Variants in C1orf167 observed in about 807,000 individuals in gnomAD.
C1orf167 encodes uncharacterized protein C1orf167.
C1orf167 carries 153 observed loss-of-function variants against 176.5 expected under a neutral mutation model. That is an observed-to-expected ratio of 0.87 (90% CI 0.76 to 0.99). The LOEUF (loss-of-function observed/expected upper bound fraction) is 0.99. C1orf167 is among the 50% of genes least tolerant of loss of function. The pLI is 0.00. For synonymous variants in C1orf167, 594 were observed against 752.7 expected (o/e 0.79, Z 3.45); for missense variants, 1,490 against 1,817.7 (o/e 0.82, Z 3.28).
intron 10 of C1orf167, 63 bp from the exon 11 acceptor site, chr1:11,778,597 C>T: frequency 8.2e-7 from 1 of 1,225,068 alleles, no homozygotes; most frequent in South Asian, 1.4e-5. Context: ...GTAGCCCCTG[C>T]TTGGCCACCC....
intron 10 of C1orf167, 138 bp downstream of exon 10, chr1:11,776,776 C>A: frequency 1.2e-6 from 1 of 850,744 alleles, no homozygotes; most frequent in Non-Finnish European, 1.6e-6. Context: ...TCCCCGTGGC[C>A]CTGCACAGGG....
Position 11,768,102 on chromosome 1 carries a change from C to T in C1orf167, c.1369C>T (p.Arg457Ter), listed in dbSNP as rs751284067. ...ICWQLLSRCF[R>*]SWRHLVKRQR... ...CTGGCAGCTGTTGTCCAGATGTTTT[C>T]GATCCTGGAGGCACTTGGTGAAGAG... Residue 457 changes from arginine to a stop codon, truncating the protein, a stop_gained, in exon 5 of 21, where the codon CGA (arginine) becomes TGA (stop). Coordinates refer to ENST00000688073, the MANE Select transcript of C1orf167 (RefSeq NM_001010881.2). LOFTEE classifies it high-confidence loss of function. This position sits in a 1 kb window ranked among gnomAD's most constrained non-coding sequence, Gnocchi z 4.5. The T allele has an allele frequency of 1.2e-4, 156 of 1,288,766 alleles. 1 individual carries two copies. In the South Asian group the frequency reaches 1.3e-3, roughly 11 times the overall value. 79.8% of individuals were successfully genotyped at this position (1,288,766 alleles called of 1,614,324 possible).
chr1:11,779,646 T>G (rs1643497645), intron 12 of C1orf167, 156 bp from the exon 13 acceptor site: 1 of 481,132 alleles, frequency 2.1e-6, no homozygotes, highest in Non-Finnish European at 3.4e-6. Context: ...GCTTGGCCCC[T>G]CCAGTCCCCA....
intron 20 of C1orf167, 153 bp downstream of exon 20, chr1:11,788,899 AAC>A (rs1643990770): frequency 3.9e-6 from 2 of 517,056 alleles, no homozygotes; most frequent in South Asian, 3.6e-5. Flanking sequence ...TCCATTACAG[AAC>A]ACACAGGCTG....
chr1:11,788,811 G>A, intron 20 of C1orf167, 65 bp downstream of exon 20: 2 of 1,282,862 alleles, frequency 1.6e-6, no homozygotes, highest in Non-Finnish European at 1.0e-6. Context: ...CCAGAAGTCT[G>A]TGCCACAGCC....
intron 15 of C1orf167, 140 bp from the exon 16 acceptor site, chr1:11,785,008 G>T: frequency 1.3e-6 from 1 of 749,478 alleles, no homozygotes; most frequent in Non-Finnish European, 1.8e-6. Flanking sequence ...TCTCCCTCCA[G>T]AAAAGGGAGT....
At position 11,775,564 on chromosome 1, in the gene C1orf167, A is replaced by G. The variant is rs1643275070; in HGVS notation, c.2118A>G (p.Ser706=). ...QWVRMKQLRE[S]DGAKVTQLSL... ...TGCGGATGAAGCAGCTCCGGGAATC[A>G]GATGGGGCAAAGGTGACCCAGCTGT... Residue 706 remains serine (S), a synonymous_variant, in exon 9 of 21, where the codon TCA becomes TCG. Coordinates refer to ENST00000688073, the MANE Select transcript of C1orf167 (RefSeq NM_001010881.2). 1 of 1,304,124 alleles carries G rather than the reference A, an allele frequency of 7.7e-7. No individual in the cohort carries two copies. The highest frequency in any genetic ancestry group is 1.5e-5 in the African/African-American group (1 of 65,870). 80.8% of individuals were successfully genotyped at this position (1,304,124 alleles called of 1,614,324 possible). A position where few individuals can be genotyped will look rare whatever the true frequency, so the allele number is the denominator to read the frequency against.
intron 14 of C1orf167, among the ~76,000 whole-genome samples, chr1:11,783,218 T>C (rs2100394106): frequency 6.6e-6 from 1 of 152,216 alleles, no homozygotes; most frequent in East Asian, 1.9e-4. Context: ...TCTGTGCTTT[T>C]GCATCTGAGG....
chr1:11,763,437 C>T (rs1290231298), intron 1 of C1orf167, among the ~76,000 whole-genome samples: 12 of 120,122 alleles, frequency 1.0e-4, no homozygotes, highest in African/African-American at 1.5e-4. Context: ...AGTGAGACTC[C>T]GGCTCAAAAA....
In C1orf167 at chr1:11,778,968, C is replaced by T. The variant is rs966142638; in HGVS notation, c.2539C>T (p.Leu847Phe). The T allele has an allele frequency of 2.8e-5, 36 of 1,303,790 alleles. No individual in the cohort carries two copies. Among genetic ancestry groups the T allele is most frequent in the Non-Finnish European group, 3.1e-5 (31 of 988,734 alleles). 80.8% of individuals were successfully genotyped at this position (1,303,790 alleles called of 1,614,324 possible). A position where few individuals can be genotyped will look rare whatever the true frequency, so the allele number is the denominator to read the frequency against. Reference sequence around the variant, plus strand: ...CCTCCCGGACACTCTCCAGGGGAGCCTTCTGTGGGCAGCTGGGCAGCGGCA... The same window carrying T: ...CCTCCCGGACACTCTCCAGGGGAGCTTTCTGTGGGCAGCTGGGCAGCGGCA... ...PTLPDTLQGS[L>F]LWAAGQRQQG... Residue 847 changes from leucine to phenylalanine, a missense_variant, in exon 12 of 21, where the codon CTT (leucine) becomes TTT (phenylalanine). By Grantham distance (22) the Leu-to-Phe change is conservative. Transcript: ENST00000688073.
intron 4 of C1orf167, 148 bp downstream of exon 4, chr1:11,767,412 C>T: frequency 1.5e-6 from 1 of 675,308 alleles, no homozygotes. Flanking sequence ...CCTGTCCCTG[C>T]TGGGGGATGA....
intron 7 of C1orf167, 39 bp downstream of exon 7, chr1:11,771,675 C>T: frequency 3.2e-6 from 4 of 1,261,794 alleles, no homozygotes; most frequent in Non-Finnish European, 4.2e-6. Context: ...GAGATGGAGC[C>T]TGGCCACGCA....
chr1:11,768,777 G>T lies in C1orf167; in HGVS notation c.1543-196G>T, dbSNP rs570625184. On this transcript the variant is annotated intron_variant, in intron 5 of 20. Transcript: ENST00000688073. The surrounding 1 kb of genome is among the most constrained non-coding windows in gnomAD (Gnocchi z 4.5). Reference sequence around the variant, plus strand: ...TTTTAAGGAAAGCGTTGCCTCTTGGGATGCATCGCTCTATATTTGTTCATT... The same window carrying T: ...TTTTAAGGAAAGCGTTGCCTCTTGGTATGCATCGCTCTATATTTGTTCATT... Among the ~76,000 whole-genome samples, 3 of 152,240 alleles carry T rather than the reference G, an allele frequency of 2.0e-5. No individual in the cohort carries two copies. The South Asian group carries it at 6.2e-4, about 32-fold the overall frequency.
At chr1:11,787,734 G>A in intron 17 of C1orf167, 139 bp from the exon 18 acceptor site, 1 of 1,133,210 alleles carries the variant, frequency 8.8e-7, no homozygotes, top group Non-Finnish European at 1.1e-6. Context: ...GGAGGCCTGG[G>A]GAGATGGGGG....
At chr1:11,776,277 A>C (rs2100332795) in intron 9 of C1orf167, among the ~76,000 whole-genome samples, 187 bp from the exon 10 acceptor site, 1 of 138,140 alleles carries the variant, frequency 7.2e-6, no homozygotes, top group South Asian at 2.3e-4. Context: ...AAAAACAAAA[A>C]ACAAAAAAAC....
At chr1:11,763,269 G>T (rs575319427) in intron 1 of C1orf167, among the ~76,000 whole-genome samples, 1 of 152,146 alleles carries the variant, frequency 6.6e-6, no homozygotes, top group African/African-American at 2.4e-5. Flanking sequence ...GTGAAACCCT[G>T]TCTCTACCAA....
rs757127134 is a variant in C1orf167 at position 11,784,497 on chromosome 1, CAGCCCAGT to C, written c.3330_3337del (p.Ala1111LeufsTer11). ...GCAGGAGAGAGCGCTGGGGCCCAGG[CAGCCCAGT>C]GCTGGACTTGGTGCTGGGCTCTGTG... On this transcript the variant is annotated frameshift_variant, in exon 15 of 21. Coordinates refer to ENST00000688073, the MANE Select transcript of C1orf167 (RefSeq NM_001010881.2). LOFTEE classifies it high-confidence loss of function. The C allele has an allele frequency of 1.5e-6, 2 of 1,303,008 alleles. No homozygotes were observed. The highest frequency in any genetic ancestry group is 2.5e-5 in the South Asian group (2 of 80,948). The allele number at this position is 1,303,008 out of a possible 1,614,324, so 80.7% of individuals were successfully genotyped here.
Position 11,768,313 on chromosome 1 carries a change from A to G in C1orf167, c.1542+38A>G. 2 of 1,284,678 alleles carry G rather than the reference A, an allele frequency of 1.6e-6. No individual in the cohort carries two copies. Among genetic ancestry groups the G allele is most frequent in the South Asian group, 1.2e-5 (1 of 80,748 alleles). The allele number at this position is 1,284,678 out of a possible 1,614,324, so 79.6% of individuals were successfully genotyped here. A position where few individuals can be genotyped will look rare whatever the true frequency, so the allele number is the denominator to read the frequency against. ...CAGGTTGGGCCAGGGGGCCGTGTGA[A>G]GCAGTGGTGTGTCTGGGGAGGAGAC... On this transcript the variant is annotated intron_variant, in intron 5 of 20. Transcript: ENST00000688073. The surrounding 1 kb of genome is among the most constrained non-coding windows in gnomAD (Gnocchi z 4.5).
chr1:11,782,471 G>C, intron 14 of C1orf167, 138 bp downstream of exon 14: 1 of 885,914 alleles, frequency 1.1e-6, no homozygotes, highest in Non-Finnish European at 1.5e-6. Context: ...CATGAAGGGA[G>C]ATCCTAGCCT....
Sources: allele counts gnomAD v4.1 joint callset (sites outside exome capture counted in the v4.1 genomes callset), GRCh38; gene constraint gnomAD v4.1.1; non-coding constraint Gnocchi (gnomAD v3.1); transcripts MANE v1.5; gene names NCBI Gene and HGNC (gene_info 2026-07-23, HGNC 2026-07-21).